RBM4: variants seen among roughly 807,000 people sequenced by gnomAD.
The protein encoded by RBM4 is RNA-binding protein 4.
Under a neutral mutation model 29.5 loss-of-function variants are expected in RBM4, and 7 were observed. The observed-to-expected ratio is 0.24, with a 90% CI of 0.14 to 0.45. RBM4 has a LOEUF of 0.45. Ranked by LOEUF, RBM4 falls within the 20% of genes least tolerant of loss-of-function variation. RBM4 has a pLI of 1.00. For synonymous variants in RBM4, 220 were observed against 205.4 expected, an observed-to-expected ratio of 1.07 and a Z score of -0.61; for missense variants, 387 against 502.3, an observed-to-expected ratio of 0.77 and a Z score of 2.19.
intron 2 of RBM4, among the ~76,000 whole-genome samples, chr11:66,654,190 A>G (rs1938895392): frequency 6.6e-6 from 1 of 151,970 alleles, no homozygotes; most frequent in Admixed American, 6.6e-5. Context: ...AAATCCTACT[A>G]TTAGAAGAAT....
At chr11:66,639,558 C>T (rs1267881046) in intron 1 of RBM4, 142 bp from the exon 2 acceptor site, 1 of 1,077,168 alleles carries the variant, frequency 9.3e-7, no homozygotes, top group Non-Finnish European at 1.3e-6. Flanking sequence ...ACTCCCACTT[C>T]CATTTGATTA....
intron 2 of RBM4, among the ~76,000 whole-genome samples, chr11:66,641,520 T>A (rs1318066453): frequency 6.6e-6 from 1 of 152,188 alleles, no homozygotes; most frequent in African/African-American, 2.4e-5. Flanking sequence ...TGTGGAGGGT[T>A]TATGGTGTGA....
At position 66,639,866 on chromosome 11, in the gene RBM4, T is replaced by C; in HGVS notation, c.155T>C (p.Ile52Thr). ...IEDKTAAEDA[I>T]RNLHHYKLHG... ...GACAAGACGGCAGCTGAGGATGCCATACGCAACCTGCACCATTACAAGCTT... is the reference window on the plus strand; with the variant it reads ...GACAAGACGGCAGCTGAGGATGCCACACGCAACCTGCACCATTACAAGCTT... The change falls in exon 2 of 4, where the codon ATA becomes ACA. Residue 52 changes from isoleucine (I) to threonine (T), a missense_variant. Physicochemically the swap from Ile to Thr is moderately conservative, Grantham distance 89. This residue lies in a region of RBM4 where 106 missense variants were observed against 213.6 expected (regional missense o/e 0.50). Coordinates refer to ENST00000310092, the MANE Select transcript of RBM4 (RefSeq NM_002896.4). 1 of 1,614,128 alleles carries C rather than the reference T, an allele frequency of 6.2e-7. No homozygotes were observed. Among genetic ancestry groups the C allele is most frequent in the Non-Finnish European group, 8.5e-7 (1 of 1,180,030 alleles).
chr11:66,648,653 GA>G (rs745763862), downstream of RBM4, among the ~76,000 whole-genome samples: 19 of 151,942 alleles, frequency 1.3e-4, no homozygotes, highest in Non-Finnish European at 2.8e-4. Context: ...CATCTCTACT[GA>G]AAAATATAAG....
intron 2 of RBM4, chr11:66,665,334 A>G (rs1183484843): frequency 7.2e-6 from 4 of 552,750 alleles, no homozygotes; most frequent in Non-Finnish European, 1.3e-5. Flanking sequence ...GGATGCCAGC[A>G]TAATCCTTAC....
downstream of RBM4, among the ~76,000 whole-genome samples, chr11:66,646,945 A>G (rs570412467): frequency 9.2e-5 from 14 of 152,318 alleles, no homozygotes; most frequent in African/African-American, 3.4e-4. Context: ...GATGCCTTTC[A>G]CCATCTATTT....
chr11:66,642,760 G>A (rs1279416753), intron 2 of RBM4, among the ~76,000 whole-genome samples: 1 of 151,996 alleles, frequency 6.6e-6, no homozygotes, highest in Non-Finnish European at 1.5e-5. Flanking sequence ...CCTAGTAGAG[G>A]GTCACTAAAA....
exon 3 of RBM4, chr11:66,666,129 G>C: frequency 1.3e-6 from 1 of 763,478 alleles, no homozygotes; most frequent in Non-Finnish European, 2.0e-6. Context: ...CACAGAGTGA[G>C]AGCCACAGTT....
intron 2 of RBM4, among the ~76,000 whole-genome samples, chr11:66,658,337 C>CG (rs1554970888): frequency 2.0e-5 from 1 of 50,458 alleles, no homozygotes; most frequent in African/African-American, 7.8e-5. Context: ...CTAGTCTGAC[C>CG]TTTTTTTTTT....
chr11:66,642,851 C>T (rs1256462355), intron 2 of RBM4, among the ~76,000 whole-genome samples: 1 of 152,180 alleles, frequency 6.6e-6, no homozygotes, highest in Non-Finnish European at 1.5e-5. Context: ...AGGGAGAAGT[C>T]TGTCCTTCAA....
chr11:66,658,135 T>TCTG (rs1237750808), intron 2 of RBM4, among the ~76,000 whole-genome samples: 21 of 152,134 alleles, frequency 1.4e-4, no homozygotes, highest in African/African-American at 5.1e-4. Context: ...TTCAAGCGAT[T>TCTG]CTGCTGCCTC....
At chr11:66,665,741 G>A in intron 2 of RBM4, 2 of 1,335,268 alleles carry the variant, frequency 1.5e-6, no homozygotes, top group Non-Finnish European at 2.0e-6. Context: ...AATTACCTAG[G>A]AGTCTATCAA....
At chr11:66,666,383 G>A (rs1939231552) in exon 3 of RBM4, 1 of 993,680 alleles carries the variant, frequency 1.0e-6, no homozygotes, top group Non-Finnish European at 1.2e-6. Flanking sequence ...GGTGAGACCC[G>A]AATTTGGATC....
chr11:66,647,905 AGTTAAAATTT>A, downstream of RBM4, among the ~76,000 whole-genome samples: 1 of 152,324 alleles, frequency 6.6e-6, no homozygotes, highest in Middle Eastern at 3.4e-3. Flanking sequence ...TTACAAAACT[AGTTAAAATTT>A]TAACTCCGGC....
chr11:66,658,871 A>C (rs1444485884), intron 2 of RBM4, among the ~76,000 whole-genome samples: 1 of 151,204 alleles, frequency 6.6e-6, no homozygotes, highest in Non-Finnish European at 1.5e-5. Flanking sequence ...TGGGAGGCGG[A>C]GGTTCTATTG....
At chr11:66,664,491 G>A (rs568999239) in intron 2 of RBM4, among the ~76,000 whole-genome samples, 2 of 150,176 alleles carry the variant, frequency 1.3e-5, no homozygotes, top group African/African-American at 2.5e-5. Context: ...ATGGAGTTTC[G>A]CTCTTGTTGT....
chr11:66,665,797 A>G (rs1257924207), intron 2 of RBM4: 87 of 1,430,410 alleles, frequency 6.1e-5, no homozygotes, highest in Non-Finnish European at 7.8e-5. Context: ...ATAGGACAAG[A>G]TGCAATCTAG....
chr11:66,644,307 A>G (rs1208164620), intron 3 of RBM4, 167 bp downstream of exon 3: 8 of 969,450 alleles, frequency 8.3e-6, no homozygotes, highest in Non-Finnish European at 1.2e-5. Context: ...ACTTTAAAAT[A>G]CATAGAGTTC....
chr11:66,666,168 C>G, exon 3 of RBM4: 2 of 783,738 alleles, frequency 2.6e-6, no homozygotes, highest in Non-Finnish European at 3.7e-6. Flanking sequence ...GACCAAATCT[C>G]CCTTGCCAAA....
Sources: allele counts gnomAD v4.1 joint callset (sites outside exome capture counted in the v4.1 genomes callset), GRCh38; gene constraint gnomAD v4.1.1; regional missense constraint gnomAD v4.1.1; transcripts MANE v1.5; gene names NCBI Gene and HGNC (gene_info 2026-07-23, HGNC 2026-07-21).